LIN52: variants seen among roughly 807,000 people sequenced by gnomAD.
LIN52 encodes protein lin-52 homolog.
In LIN52, 4 loss-of-function variants were observed where a neutral mutation model predicts 18.5. That is an observed-to-expected ratio of 0.22 (90% CI 0.11 to 0.49). The LOEUF (loss-of-function observed/expected upper bound fraction) is 0.49, where lower values mean the gene tolerates loss of function less well. LIN52 is among the 20% of genes least tolerant of loss of function. LIN52 has a pLI of 0.97. For missense variants in LIN52, 102 were observed against 139.5 expected (o/e 0.73, Z 1.35); for synonymous variants, 34 against 45.5 (o/e 0.75, Z 1.02).
chr14:74,191,637 CTT>C (rs535302894), intron 5 of LIN52, among the ~76,000 whole-genome samples: 11 of 142,288 alleles, frequency 7.7e-5, no homozygotes, highest in Non-Finnish European at 9.3e-5. Context: ...TTCTTTCTTT[CTT>C]TTTTTTTTTT....
intron 5 of LIN52, among the ~76,000 whole-genome samples, chr14:74,104,191 C>T (rs922880649): frequency 2.0e-5 from 3 of 152,070 alleles, no homozygotes; most frequent in Admixed American, 2.0e-4. Context: ...GCCACTGCGC[C>T]CAGCTGGCTA....
intron 5 of LIN52, among the ~76,000 whole-genome samples, chr14:74,127,103 C>G (rs1431681292): frequency 6.6e-6 from 1 of 152,164 alleles, no homozygotes; most frequent in Non-Finnish European, 1.5e-5. Flanking sequence ...CTAATTCATA[C>G]AGTTAATATT....
intron 5 of LIN52, among the ~76,000 whole-genome samples, chr14:74,173,761 C>T (rs1595185519): frequency 6.6e-6 from 1 of 152,184 alleles, no homozygotes; most frequent in East Asian, 1.9e-4. Context: ...CAGCATAATA[C>T]AAATTCTGAT....
intron 3 of LIN52, 42 bp from the exon 4 acceptor site, chr14:74,097,752 A>G (rs760322951): frequency 3.5e-6 from 5 of 1,429,412 alleles, no homozygotes; most frequent in Non-Finnish European, 4.9e-6. Flanking sequence ...GGGTCTCCTC[A>G]CACTTTTTAT....
chr14:74,172,328 C>T (rs2061275510), intron 5 of LIN52, among the ~76,000 whole-genome samples: 1 of 152,170 alleles, frequency 6.6e-6, no homozygotes, highest in African/African-American at 2.4e-5. Context: ...GCTGCCTCTG[C>T]CATTTACTGG....
chr14:74,198,297 G>C (rs1420484964), intron 5 of LIN52, among the ~76,000 whole-genome samples: 1 of 152,158 alleles, frequency 6.6e-6, no homozygotes, highest in East Asian at 1.9e-4. Context: ...GGTGCTGAAA[G>C]CCGGAGAAAG....
intron 4 of LIN52, 37 bp from the exon 5 acceptor site, chr14:74,101,118 G>A: frequency 6.4e-7 from 1 of 1,556,792 alleles, no homozygotes; most frequent in Non-Finnish European, 8.8e-7. Flanking sequence ...GAGAAGAGTG[G>A]AAAGAAATGA....
At chr14:74,123,103 G>A (rs1229450989) in intron 5 of LIN52, among the ~76,000 whole-genome samples, 3 of 152,140 alleles carry the variant, frequency 2.0e-5, no homozygotes, top group African/African-American at 7.2e-5. Flanking sequence ...ACTCTTATGA[G>A]CAGCATATGA....
At chr14:74,187,654 C>CTATT (rs764059498) in intron 5 of LIN52, among the ~76,000 whole-genome samples, 1 of 152,060 alleles carries the variant, frequency 6.6e-6, no homozygotes, top group African/African-American at 2.4e-5. Context: ...TCTAAGTGTC[C>CTATT]TATTTATTTA....
intron 5 of LIN52, among the ~76,000 whole-genome samples, chr14:74,150,825 A>G (rs1345753539): frequency 6.6e-6 from 1 of 152,222 alleles, no homozygotes; most frequent in Non-Finnish European, 1.5e-5. Flanking sequence ...ATTGAGCATC[A>G]GTAGTTTTCC....
chr14:74,104,351 G>C (rs1644891336), intron 5 of LIN52, among the ~76,000 whole-genome samples: 1 of 151,978 alleles, frequency 6.6e-6, no homozygotes, highest in African/African-American at 2.4e-5. Flanking sequence ...TTTTGAGTCT[G>C]GATCTAAATA....
chr14:74,085,471 G>A (rs1269681756), intron 1 of LIN52: 3 of 152,948 alleles, frequency 2.0e-5, no homozygotes, highest in Non-Finnish European at 4.4e-5. Flanking sequence ...AGAGAAACAT[G>A]ATCTCTCTCC....
Position 74,091,358 on chromosome 14 carries a change from C to G in LIN52, c.94+52C>G, listed in dbSNP as rs761493906. The G allele has an allele frequency of 1.2e-5, 15 of 1,204,408 alleles. No individual in the cohort carries two copies. In the South Asian group the frequency reaches 2.1e-4, roughly 17 times the overall value. 74.6% of individuals were successfully genotyped at this position (1,204,408 alleles called of 1,614,324 possible). ...AGTCAATGCAGGAGAAACAATGTTCCTTTTTAAAGAGATTTTTAAAGAGTT... is the reference window on the plus strand; with the variant it reads ...AGTCAATGCAGGAGAAACAATGTTCGTTTTTAAAGAGATTTTTAAAGAGTT... On this transcript the variant is annotated intron_variant, in intron 2 of 5. Coordinates refer to ENST00000555028, the MANE Select transcript of LIN52 (RefSeq NM_001024674.3).
intron 5 of LIN52, among the ~76,000 whole-genome samples, chr14:74,137,917 C>A (rs1595171379): frequency 1.3e-5 from 2 of 152,254 alleles, no homozygotes; most frequent in Non-Finnish European, 2.9e-5. Context: ...TTACAATAAG[C>A]CTGCTTTATC....
At position 74,108,559 on chromosome 14, in the gene LIN52, GTTT is replaced by G. The variant is rs140832594; in HGVS notation, c.283+7326_283+7328del. ...CCAATACTTGTTATTTGTATTTTTT[GTTT>G]TTTTAATTATTATCATGTCCATCAT... is the stretch of plus-strand genomic sequence containing the variant. On this transcript the variant is annotated intron_variant, in intron 5 of 5. Transcript: ENST00000555028. 3.6e-3 allele frequency among the ~76,000 whole-genome samples: 547 copies of G among 151,960 alleles called. 4 individuals carry two copies. The highest frequency in any genetic ancestry group is 0.012 in the African/African-American group (515 of 41,460).
intron 5 of LIN52, among the ~76,000 whole-genome samples, chr14:74,143,063 G>A (rs142239241): frequency 0.014 from 2,064 of 151,774 alleles, 45 homozygotes; most frequent in African/African-American, 0.046. Context: ...TGAGTCCAGA[G>A]CATACACAAA....
chr14:74,177,680 T>C (rs2061300030), intron 5 of LIN52, among the ~76,000 whole-genome samples: 2 of 152,230 alleles, frequency 1.3e-5, no homozygotes, highest in Non-Finnish European at 2.9e-5. Flanking sequence ...GAATGATGTA[T>C]TGTGAATTCA....
intron 5 of LIN52, among the ~76,000 whole-genome samples, chr14:74,156,333 G>A (rs918705525): frequency 2.0e-5 from 3 of 152,090 alleles, no homozygotes; most frequent in Non-Finnish European, 4.4e-5. Flanking sequence ...TTTTTTACAT[G>A]TCAATCTACA....
At chr14:74,136,822 G>A (rs550100100) in intron 5 of LIN52, among the ~76,000 whole-genome samples, 4 of 152,248 alleles carry the variant, frequency 2.6e-5, no homozygotes, top group African/African-American at 9.6e-5. Flanking sequence ...TAATCAGAGT[G>A]AGAATGGAAT....
Sources: gnomAD v4.1 joint callset for allele counts (sites outside exome capture counted in the v4.1 genomes callset) on GRCh38, gnomAD v4.1.1 for gene constraint, MANE v1.5 for transcripts, NCBI Gene and HGNC (gene_info 2026-07-23, HGNC 2026-07-21) for gene names.